The following SHPRH variants were observed in gnomAD, a reference collection of about 807,000 sequenced individuals.
SHPRH encodes the protein SNF2 histone linker PHD RING helicase.
Under a neutral mutation model 202.5 loss-of-function variants are expected in SHPRH, and 106 were observed. The ratio of observed to expected loss-of-function variants is 0.52; its 90% CI spans 0.45 to 0.62. SHPRH has a LOEUF of 0.62. SHPRH is among the 20% of genes least tolerant of loss of function. The pLI, the probability that SHPRH is intolerant of heterozygous loss-of-function variation, is 0.00. For missense variants in SHPRH, 1,710 were observed against 2,020.0 expected, an observed-to-expected ratio of 0.85 and a Z score of 2.94; for synonymous variants, 729 against 686.0, an observed-to-expected ratio of 1.06 and a Z score of -0.98.
At chr6:145,888,962 C>T (rs1781351797) in intron 28 of SHPRH, among the ~76,000 whole-genome samples, 1 of 152,022 alleles carries the variant, frequency 6.6e-6, no homozygotes, top group South Asian at 2.1e-4. Context: ...GATGACAGTG[C>T]CACATTATAA....
intron 29 of SHPRH, 152 bp from the exon 30 acceptor site, chr6:145,886,939 T>C: frequency 1.4e-6 from 1 of 705,090 alleles, no homozygotes; most frequent in Non-Finnish European, 2.2e-6. Context: ...GATAAAATCT[T>C]TGTTATACCT....
intron 25 of SHPRH, chr6:145,903,559 A>C (rs1441730390): frequency 2.6e-5 from 4 of 152,094 alleles, no homozygotes; most frequent in Non-Finnish European, 5.9e-5. Flanking sequence ...GAGCCTGAAC[A>C]AAAATATTTA....
At chr6:145,860,264 CA>C (rs1214480394), downstream of SHPRH, among the ~76,000 whole-genome samples, 1 of 151,530 alleles carries the variant, frequency 6.6e-6, no homozygotes, top group African/African-American at 2.4e-5. Flanking sequence ...AAAGGTGCCA[CA>C]AAAAAACTGT....
chr6:145,951,786 C>A, intron 3 of SHPRH: 1 of 455,966 alleles, frequency 2.2e-6, no homozygotes, highest in Non-Finnish European at 4.4e-6. Flanking sequence ...ATAATGCTGA[C>A]CCACCATGAG....
At chr6:145,889,427 G>T (rs1434950833) in intron 28 of SHPRH, among the ~76,000 whole-genome samples, 1 of 151,954 alleles carries the variant, frequency 6.6e-6, no homozygotes, top group African/African-American at 2.4e-5. Context: ...CATATTTATG[G>T]GGTAATATAT....
chr6:145,945,927 T>C (rs1787326726), intron 7 of SHPRH, among the ~76,000 whole-genome samples: 1 of 152,128 alleles, frequency 6.6e-6, no homozygotes, highest in Non-Finnish European at 1.5e-5. Flanking sequence ...ATTATTTAAG[T>C]ATACGCTACC....
At chr6:145,903,927 T>C (rs1192521413) in intron 25 of SHPRH, 30 of 152,058 alleles carry the variant, frequency 2.0e-4, no homozygotes, top group Admixed American at 2.0e-3. Flanking sequence ...GCCCAGTAGG[T>C]TCCAAAGGTC....
At chr6:145,930,969 T>C (rs1016328763) in intron 14 of SHPRH, among the ~76,000 whole-genome samples, 2 of 152,212 alleles carry the variant, frequency 1.3e-5, no homozygotes, top group African/African-American at 4.8e-5. Context: ...TATTCTTTGC[T>C]CTGAAATCTA....
intron 28 of SHPRH, among the ~76,000 whole-genome samples, chr6:145,889,298 G>A (rs1486767601): frequency 6.6e-6 from 1 of 152,164 alleles, no homozygotes; most frequent in Admixed American, 6.5e-5. Context: ...TCACTTCAGT[G>A]ATATGGTGGG....
In SHPRH at chr6:145,926,231, G is replaced by A; in HGVS notation, c.3267C>T (p.Thr1089=). The A allele has an allele frequency of 2.5e-6, 4 of 1,612,920 alleles. No individual in the cohort carries two copies. The highest frequency in any genetic ancestry group is 1.1e-5 in the South Asian group (1 of 91,030). Residue 1089 remains threonine, a synonymous_variant, in exon 16 of 30, where the codon ACC becomes ACT. Coordinates refer to ENST00000275233, the MANE Select transcript of SHPRH (RefSeq NM_001042683.3). ...CTTCCTCAAGTCGGCCATCACGCAA[G>A]GTAGGTGGTATCCCTGGGTGCCTGG... ...LIARHPGIPP[T]LRDGRLEEEA...
chr6:145,907,710 C>T (rs530044932), intron 25 of SHPRH: 1 of 152,132 alleles, frequency 6.6e-6, no homozygotes, highest in South Asian at 2.1e-4. Context: ...CTCAGGCTGA[C>T]TAATTCATCA....
chr6:145,864,742 C>G (rs1017633943), intron 2 of SHPRH, among the ~76,000 whole-genome samples: 5 of 151,206 alleles, frequency 3.3e-5, no homozygotes, highest in African/African-American at 1.2e-4. Context: ...AGTAAAAAGC[C>G]CAAAGGGATC....
At position 145,910,320 on chromosome 6, in the gene SHPRH, A is replaced by G. The variant is rs1562309503; in HGVS notation, c.4515+128T>C. 3 of 1,026,346 alleles carry G rather than the reference A, an allele frequency of 2.9e-6. No homozygotes were observed. The East Asian group carries it at 7.2e-5, about 25-fold the overall frequency. The allele number at this position is 1,026,346 out of a possible 1,614,324, so 63.6% of individuals were successfully genotyped here. On this transcript the variant is annotated intron_variant, in intron 25 of 29. Transcript: ENST00000275233. ...GCTGAGGCTTTCAGGCAGTGTATCT[A>G]CAGACAACAGTGGCGTCTACCTATT... is the stretch of plus-strand genomic sequence containing the variant.
intron 16 of SHPRH, among the ~76,000 whole-genome samples, chr6:145,925,704 T>C (rs1242059957): frequency 2.6e-5 from 4 of 151,970 alleles, no homozygotes; most frequent in Admixed American, 2.0e-4. Flanking sequence ...TAACAATTTA[T>C]AGTAAAATAA....
chr6:145,887,900 T>C lies in SHPRH; in HGVS notation c.4955+120A>G. The C allele has an allele frequency of 4.2e-6, 3 of 715,196 alleles. No individual in the cohort carries two copies. The South Asian group carries it at 5.5e-5, about 13-fold the overall frequency. The allele number at this position is 715,196 out of a possible 1,614,324, so 44.3% of individuals were successfully genotyped here. A position where few individuals can be genotyped will look rare whatever the true frequency, so the allele number is the denominator to read the frequency against. The stretch of plus-strand genomic sequence containing the variant: ...AGTGAAAAGGCAAAACGTCAGACTT[T>C]GCTTTTAAAAACGTATTTGTGCTAT... On this transcript the variant is annotated intron_variant, in intron 29 of 29. Coordinates refer to ENST00000275233, the MANE Select transcript of SHPRH (RefSeq NM_001042683.3).
intron 23 of SHPRH, among the ~76,000 whole-genome samples, chr6:145,914,262 C>G (rs1490753918): frequency 6.6e-6 from 1 of 152,096 alleles, no homozygotes; most frequent in Non-Finnish European, 1.5e-5. Flanking sequence ...GAGGGCTCTG[C>G]TGCTCAAGAA....
intron 25 of SHPRH, among the ~76,000 whole-genome samples, chr6:145,898,717 CT>C (rs1232811670): frequency 2.0e-5 from 3 of 152,132 alleles, no homozygotes; most frequent in African/African-American, 7.2e-5. Context: ...TCTGCTACCC[CT>C]ATGACCTCCG....
intron 12 of SHPRH, 31 bp downstream of exon 12, chr6:145,935,247 A>AC (rs1785944956): frequency 1.9e-6 from 3 of 1,611,754 alleles, no homozygotes; most frequent in Non-Finnish European, 2.5e-6. Context: ...CTCTTATAGT[A>AC]CCTTTATCAA....
At chr6:145,912,879 A>G (rs1172643457) in intron 24 of SHPRH, among the ~76,000 whole-genome samples, 1 of 152,096 alleles carries the variant, frequency 6.6e-6, no homozygotes, top group Non-Finnish European at 1.5e-5. Context: ...TTATCATAGA[A>G]AGCAGAAACT....
Sources: gnomAD v4.1 joint callset for allele counts (sites outside exome capture counted in the v4.1 genomes callset) on GRCh38, gnomAD v4.1.1 for gene constraint, MANE v1.5 for transcripts, NCBI Gene and HGNC (gene_info 2026-07-23, HGNC 2026-07-21) for gene names.